The following ZNF469 variants were observed in gnomAD, a reference collection of about 807,000 sequenced individuals.
ZNF469 encodes zinc finger protein 469.
In ZNF469, 1 loss-of-function variant was observed where a neutral mutation model predicts 1.0. That is an observed-to-expected ratio of 1.00 (90% CI 0.35 to 4.73). ZNF469 has a LOEUF of 4.73. Among genes scored for constraint, ZNF469 ranks in the 30% most tolerant of loss-of-function variants. ZNF469 has a pLI of 0.16. For synonymous variants in ZNF469, 2,703 were observed against 2,363.4 expected (o/e 1.14, Z -4.17); for missense variants, 6,100 against 5,356.3 (o/e 1.14, Z -4.33).
the ZNF469 span, among the ~76,000 whole-genome samples, chr16:88,217,504 A>G: frequency 1.3e-5 from 2 of 149,784 alleles, no homozygotes; most frequent in Admixed American, 6.7e-5. Flanking sequence ...GGTTAGTTAC[A>G]TACGTATACA....
chr16:88,183,738 G>A, the ZNF469 span, among the ~76,000 whole-genome samples: 1 of 152,204 alleles, frequency 6.6e-6, no homozygotes, highest in Non-Finnish European at 1.5e-5. Context: ...AGCCTTATGT[G>A]TGTACGTGAT....
At chr16:88,103,626 A>T in the ZNF469 span, among the ~76,000 whole-genome samples, 131 of 152,106 alleles carry the variant, frequency 8.6e-4, 1 homozygote, top group African/African-American at 3.0e-3. Flanking sequence ...GAATCAGATC[A>T]TCTTCTCACC....
chr16:88,405,256 GC>G (rs1313236676), intron 1 of ZNF469, among the ~76,000 whole-genome samples: 23 of 151,610 alleles, frequency 1.5e-4, no homozygotes. Flanking sequence ...TTGGGGTGTG[GC>G]CTCATACAGG....
the ZNF469 span, among the ~76,000 whole-genome samples, chr16:88,342,701 G>A: frequency 1.3e-5 from 2 of 152,226 alleles, no homozygotes; most frequent in East Asian, 1.9e-4. Flanking sequence ...GCCAGCAGGC[G>A]GTGGGCCTGC....
chr16:88,302,015 C>T, the ZNF469 span, among the ~76,000 whole-genome samples: 44 of 152,334 alleles, frequency 2.9e-4, no homozygotes, highest in African/African-American at 1.0e-3. Context: ...TCAGGGAAGC[C>T]CTGAGCTCCA....
chr16:88,135,755 T>A, the ZNF469 span, among the ~76,000 whole-genome samples: 6,437 of 118,878 alleles, frequency 0.054, 1,356 homozygotes, highest in East Asian at 0.18. Context: ...CATGTTTTTT[T>A]TTTTTTTTTT....
At chr16:88,398,517 G>A (rs116130633) in intron 1 of ZNF469, among the ~76,000 whole-genome samples, 106 of 151,004 alleles carry the variant, frequency 7.0e-4, no homozygotes, top group African/African-American at 2.5e-3. Context: ...AAGAGGACAT[G>A]TGAGCCACAG....
At chr16:88,250,590 T>C in the ZNF469 span, among the ~76,000 whole-genome samples, 1 of 152,246 alleles carries the variant, frequency 6.6e-6, no homozygotes, top group Non-Finnish European at 1.5e-5. Context: ...CTCATGCCTC[T>C]GGAATTCCAT....
the ZNF469 span, among the ~76,000 whole-genome samples, chr16:88,356,162 G>A: frequency 2.0e-4 from 30 of 152,100 alleles, no homozygotes; most frequent in Admixed American, 1.2e-3. Context: ...TCCATCCCTC[G>A]TGCCCCTCCC....
the ZNF469 span, among the ~76,000 whole-genome samples, chr16:88,197,992 C>T: frequency 1.3e-5 from 2 of 152,366 alleles, no homozygotes; most frequent in East Asian, 1.9e-4. Flanking sequence ...GAGTCCAGCC[C>T]ACACTCAAGA....
chr16:88,182,805 C>T, the ZNF469 span, among the ~76,000 whole-genome samples: 1 of 151,084 alleles, frequency 6.6e-6, no homozygotes, highest in Non-Finnish European at 1.5e-5. Flanking sequence ...TAGAAGAAAA[C>T]AAAAAACTGC....
chr16:88,129,211 T>C, the ZNF469 span, among the ~76,000 whole-genome samples: 1 of 152,322 alleles, frequency 6.6e-6, no homozygotes, highest in South Asian at 2.1e-4. Flanking sequence ...CACAGCGTCA[T>C]GCCAGGAACC....
chr16:88,114,874 T>TG, the ZNF469 span, among the ~76,000 whole-genome samples: 70 of 152,330 alleles, frequency 4.6e-4, no homozygotes, highest in East Asian at 0.011. Flanking sequence ...ACCATTGCTT[T>TG]GGGAGGAAGT....
chr16:88,239,667 GTATATATATATATATATATATA>G, the ZNF469 span, among the ~76,000 whole-genome samples: 37 of 28,218 alleles, frequency 1.3e-3, 3 homozygotes, highest in African/African-American at 3.0e-3. Flanking sequence ...TTTTTTTTTT[GTATATATATATATATATATATA>G]TATATATATA....
chr16:88,128,629 G>A, the ZNF469 span, among the ~76,000 whole-genome samples: 1 of 152,202 alleles, frequency 6.6e-6, no homozygotes, highest in Admixed American at 6.5e-5. Flanking sequence ...GCAGAGGCAG[G>A]GGCTTCTCTC....
rs780848959 is a variant in ZNF469 at position 88,429,683 on chromosome 16, G to T, written c.2213G>T (p.Arg738Leu). The change falls in exon 3 of 3, where the codon CGC becomes CTC. Residue 738 changes from arginine (R) to leucine (L), a missense_variant. Coordinates refer to ENST00000565624, the MANE Select transcript of ZNF469 (RefSeq NM_001367624.2). ...DVLLTCRQCD[R>L]NYSSLAAFLA... ...CTGCTGACCTGCAGGCAGTGTGACC[G>T]CAACTACAGCAGCCTGGCGGCCTTC... is the stretch of plus-strand genomic sequence containing the variant. 6.5e-7 allele frequency: 1 copy of T among 1,541,924 alleles called. No homozygotes were observed. The highest frequency in any genetic ancestry group is 8.8e-7 in the Non-Finnish European group (1 of 1,141,482).
chr16:88,362,707 T>C, the ZNF469 span, among the ~76,000 whole-genome samples: 1 of 152,224 alleles, frequency 6.6e-6, no homozygotes, highest in Non-Finnish European at 1.5e-5. Context: ...AGCTTCTTTA[T>C]ATTCTTCTTG....
At chr16:88,238,514 G>A in the ZNF469 span, among the ~76,000 whole-genome samples, 2 of 152,210 alleles carry the variant, frequency 1.3e-5, no homozygotes, top group African/African-American at 2.4e-5. Flanking sequence ...TAGACCCGAG[G>A]TAGACTGCCT....
At chr16:88,140,491 G>T in the ZNF469 span, among the ~76,000 whole-genome samples, 1 of 136,114 alleles carries the variant, frequency 7.3e-6, no homozygotes, top group African/African-American at 3.8e-5. Flanking sequence ...TGACAACACT[G>T]ATTTACAAAT....
Sources: gnomAD v4.1 joint callset for allele counts (sites outside exome capture counted in the v4.1 genomes callset) on GRCh38, gnomAD v4.1.1 for gene constraint, MANE v1.5 for transcripts, NCBI Gene and HGNC (gene_info 2026-07-23, HGNC 2026-07-21) for gene names.